ANKHD1: variants seen among roughly 807,000 people sequenced by gnomAD.
ANKHD1 encodes the protein ankyrin repeat and KH domain-containing protein 1.
Under a neutral mutation model 230.5 loss-of-function variants are expected in ANKHD1, and 31 were observed. That is an observed-to-expected ratio of 0.13 (90% CI 0.10 to 0.18). The LOEUF (loss-of-function observed/expected upper bound fraction) is 0.18, where lower values mean the gene tolerates loss of function less well. Ranked by LOEUF, ANKHD1 falls within the 10% of genes least tolerant of loss-of-function variation. The pLI is 1.00. For missense variants in ANKHD1, 2,256 were observed against 3,071.3 expected (o/e 0.73, Z 6.27); for synonymous variants, 1,074 against 1,117.6 (o/e 0.96, Z 0.78).
chr5:140,491,148 ATATATATATATATT>A, intron 14 of ANKHD1, among the ~76,000 whole-genome samples: 1 of 97,262 alleles, frequency 1.0e-5, no homozygotes, highest in African/African-American at 4.0e-5. Flanking sequence ...ACATATATAT[ATATATATATATATT>A]TTTTTTTTTT....
At chr5:140,426,252 C>G (rs995545920) in intron 1 of ANKHD1, among the ~76,000 whole-genome samples, 1 of 152,180 alleles carries the variant, frequency 6.6e-6, no homozygotes, top group East Asian at 1.9e-4. Context: ...GCCTCAGGTC[C>G]CCAGTAGCTG....
intron 1 of ANKHD1, 25 bp from the exon 2 acceptor site, chr5:140,436,079 T>C (rs1773427218): frequency 4.6e-6 from 7 of 1,510,994 alleles, no homozygotes; most frequent in Non-Finnish European, 6.2e-6. Flanking sequence ...GTTTCATGGA[T>C]ATTGCATCTT....
Position 140,431,057 on chromosome 5 carries a change from G to GT in ANKHD1, c.307-5046dup, listed in dbSNP as rs1227349780. On this transcript the variant is annotated intron_variant, in intron 1 of 33. Coordinates refer to ENST00000360839, the MANE Select transcript of ANKHD1 (RefSeq NM_017747.3). ...GTAAGATATTTGTGAACCGCCAAAA[G>GT]TAATCTCTCAAATATTTCCAAAATA... is the stretch of plus-strand genomic sequence containing the variant. Among the ~76,000 whole-genome samples, 5 of 152,250 alleles carry GT rather than the reference G, an allele frequency of 3.3e-5. No homozygotes were observed. The East Asian group carries it at 9.6e-4, about 29-fold the overall frequency.
intron 14 of ANKHD1, among the ~76,000 whole-genome samples, chr5:140,493,079 G>C (rs1282606728): frequency 6.6e-6 from 1 of 152,168 alleles, no homozygotes; most frequent in Admixed American, 6.5e-5. Flanking sequence ...TTCTTTCTTT[G>C]AGACGGAGTT....
intron 1 of ANKHD1, among the ~76,000 whole-genome samples, chr5:140,423,877 G>T (rs1361818179): frequency 6.6e-6 from 1 of 152,176 alleles, no homozygotes; most frequent in African/African-American, 2.4e-5. Flanking sequence ...TCTCACAGGA[G>T]CTGGTTAACT....
intron 14 of ANKHD1, among the ~76,000 whole-genome samples, chr5:140,492,291 TAAG>T (rs533626991): frequency 1.5e-4 from 23 of 152,296 alleles, no homozygotes; most frequent in East Asian, 3.9e-4. Context: ...CTTATAGTAA[TAAG>T]AAGAAGATTG....
rs775232420 is a variant in ANKHD1, at chr5:140,524,279, CTT to C, written c.4492+41_4492+42del. 8 of 1,523,048 alleles carry C rather than the reference CTT, an allele frequency of 5.3e-6. No individual in the cohort carries two copies. The East Asian group carries it at 1.7e-4, about 32-fold the overall frequency. 94.3% of individuals were successfully genotyped at this position (1,523,048 alleles called of 1,614,324 possible). A position where few individuals can be genotyped will look rare whatever the true frequency, so the allele number is the denominator to read the frequency against. ...CATCTGAATTAACGATAAAATTCTCCTTTGTTTATCAACTTCATTTTGAGTGC... is the reference window on the plus strand; with the variant it reads ...CATCTGAATTAACGATAAAATTCTCCTGTTTATCAACTTCATTTTGAGTGC... On this transcript the variant is annotated intron_variant, in intron 25 of 33. Transcript: ENST00000360839.
intron 1 of ANKHD1, among the ~76,000 whole-genome samples, chr5:140,410,711 T>G (rs1770858873): frequency 6.6e-6 from 1 of 152,210 alleles, no homozygotes; most frequent in Non-Finnish European, 1.5e-5. Flanking sequence ...AGTCATAGAA[T>G]CTTGGTGATA....
In ANKHD1 at chr5:140,506,204, T is replaced by C. The variant is rs1415818056; in HGVS notation, c.3408+335T>C. Among the ~76,000 whole-genome samples, 2 of 151,818 alleles carry C rather than the reference T, an allele frequency of 1.3e-5. No homozygotes were observed. The highest frequency in any genetic ancestry group is 2.9e-5 in the Non-Finnish European group (2 of 67,964). ...GCCTCCCAAAGTACAGGGATTATAG[T>C]TATGGGCCAGCATGCCTGGCCCTGC... On this transcript the variant is annotated intron_variant, in intron 18 of 33. Transcript: ENST00000360839. The surrounding 1 kb of genome is among the most constrained non-coding windows in gnomAD (Gnocchi z 4.7).
At chr5:140,445,537 C>T (rs892290435) in intron 5 of ANKHD1, among the ~76,000 whole-genome samples, 5 of 147,954 alleles carry the variant, frequency 3.4e-5, no homozygotes, top group Non-Finnish European at 7.6e-5. Flanking sequence ...GGTGATGCTT[C>T]TAACCAATGA....
At chr5:140,487,400 T>C (rs980495268) in intron 14 of ANKHD1, among the ~76,000 whole-genome samples, 1 of 152,196 alleles carries the variant, frequency 6.6e-6, no homozygotes, top group African/African-American at 2.4e-5. Context: ...CAATAGTAAA[T>C]GAAGAGTAAA....
intron 1 of ANKHD1, among the ~76,000 whole-genome samples, chr5:140,406,497 C>T (rs550291322): frequency 6.6e-6 from 1 of 151,838 alleles, no homozygotes; most frequent in Non-Finnish European, 1.5e-5. Context: ...AAACAAGCTA[C>T]TCTTTCTTGC....
intron 10 of ANKHD1, among the ~76,000 whole-genome samples, chr5:140,477,421 A>G (rs1366136201): frequency 2.0e-5 from 3 of 152,316 alleles, no homozygotes; most frequent in African/African-American, 7.2e-5. Flanking sequence ...TTTCCAGTAA[A>G]TATACTTTAT....
At chr5:140,422,248 G>A (rs1380298717) in intron 1 of ANKHD1, among the ~76,000 whole-genome samples, 7 of 151,868 alleles carry the variant, frequency 4.6e-5, no homozygotes, top group East Asian at 1.9e-4. Flanking sequence ...GCACCCTCCC[G>A]AGTAGCTGGG....
Position 140,539,605 on chromosome 5 carries a change from A to G in ANKHD1, c.*187A>G, listed in dbSNP as rs1754215668. On this transcript the variant is annotated 3_prime_UTR_variant, in exon 34 of 34. Transcript: ENST00000360839. ...ATTATGTTCTCTGGTTAGTTTAGCC[A>G]TTTTGAACTTAAGATCATATGACCT... The G allele has an allele frequency of 4.8e-6, 3 of 626,226 alleles. No homozygotes were observed. Among genetic ancestry groups the G allele is most frequent in the African/African-American group, 3.7e-5 (2 of 53,998 alleles). 38.8% of individuals were successfully genotyped at this position (626,226 alleles called of 1,614,324 possible). A position where few individuals can be genotyped will look rare whatever the true frequency, so the allele number is the denominator to read the frequency against.
At chr5:140,403,660 G>A (rs1770179165) in intron 1 of ANKHD1, among the ~76,000 whole-genome samples, 1 of 152,048 alleles carries the variant, frequency 6.6e-6, no homozygotes, top group Admixed American at 6.6e-5. Context: ...CCCAAGGGGC[G>A]GTATTTTATG....
intron 5 of ANKHD1, among the ~76,000 whole-genome samples, chr5:140,445,292 C>G (rs764725192): frequency 2.0e-5 from 3 of 151,904 alleles, no homozygotes; most frequent in African/African-American, 7.3e-5. Context: ...GATTACCTGA[C>G]GTCAGGAGTT....
intron 10 of ANKHD1, among the ~76,000 whole-genome samples, chr5:140,478,955 ACTTT>A (rs1751114236): frequency 6.8e-6 from 1 of 147,884 alleles, no homozygotes; most frequent in African/African-American, 2.5e-5. Context: ...AGAAATAGAT[ACTTT>A]CTTTCTTTAT....
At chr5:140,470,098 A>G (rs917974752) in intron 10 of ANKHD1, among the ~76,000 whole-genome samples, 4 of 152,046 alleles carry the variant, frequency 2.6e-5, no homozygotes, top group Non-Finnish European at 5.9e-5. Flanking sequence ...AACCCACTAT[A>G]TTAGTGTCTT....
Sources: allele counts gnomAD v4.1 joint callset (sites outside exome capture counted in the v4.1 genomes callset), GRCh38; gene constraint gnomAD v4.1.1; non-coding constraint Gnocchi (gnomAD v3.1); transcripts MANE v1.5; gene names NCBI Gene and HGNC (gene_info 2026-07-23, HGNC 2026-07-21).